MAD1L1: variants seen among roughly 807,000 people sequenced by gnomAD.
MAD1L1 encodes mitotic arrest deficient 1 like 1, also known as mitotic spindle assembly checkpoint protein MAD1.
Under a neutral mutation model 96.9 loss-of-function variants are expected in MAD1L1, and 95 were observed. The observed-to-expected ratio is 0.98, with a 90% CI of 0.83 to 1.16. The LOEUF is 1.16. MAD1L1 is among the 50% of genes most tolerant of loss of function. MAD1L1 has a pLI of 0.00. For synonymous variants in MAD1L1, 473 were observed against 396.6 expected (o/e 1.19, Z -2.29); for missense variants, 1,007 against 954.4 (o/e 1.06, Z -0.73).
intron 17 of MAD1L1, among the ~76,000 whole-genome samples, chr7:1,929,063 G>A (rs1214773139): frequency 6.6e-6 from 1 of 152,170 alleles, no homozygotes; most frequent in African/African-American, 2.4e-5. Flanking sequence ...CACCAAACCA[G>A]GCCTCCCCTC....
intron 18 of MAD1L1, among the ~76,000 whole-genome samples, chr7:1,855,376 G>C (rs1004772431): frequency 3.3e-5 from 5 of 151,942 alleles, no homozygotes; most frequent in Non-Finnish European, 4.4e-5. Context: ...AGGTGCTTAA[G>C]TTCCGCTTCC....
chr7:1,945,336 G>A (rs1447399037), intron 16 of MAD1L1, among the ~76,000 whole-genome samples: 1 of 152,278 alleles, frequency 6.6e-6, no homozygotes, highest in African/African-American at 2.4e-5. Flanking sequence ...CCATGTGGAA[G>A]ATGTGTTTGC....
intron 10 of MAD1L1, among the ~76,000 whole-genome samples, chr7:2,196,261 G>A (rs767762846): frequency 3.9e-5 from 6 of 152,188 alleles, no homozygotes; most frequent in South Asian, 2.1e-4. Flanking sequence ...AACCACCACC[G>A]TCAACAGTGC....
chr7:1,904,503 A>G (rs1289984310), intron 17 of MAD1L1, among the ~76,000 whole-genome samples: 1 of 135,086 alleles, frequency 7.4e-6, no homozygotes, highest in Non-Finnish European at 1.5e-5. Context: ...TGGCCTATGG[A>G]AGATGCTCTT....
chr7:2,220,952 G>A (rs751639893), intron 5 of MAD1L1: 2 of 1,612,366 alleles, frequency 1.2e-6, no homozygotes, highest in South Asian at 1.1e-5. Context: ...GTGTTGTAGG[G>A]GACGCCGGAC....
chr7:1,825,890 TCCCAGCCCCAGGG>T, intron 18 of MAD1L1, among the ~76,000 whole-genome samples: 1 of 151,234 alleles, frequency 6.6e-6, no homozygotes, highest in African/African-American at 2.4e-5. Flanking sequence ...ATGAGCACAG[TCCCAGCCCCAGGG>T]TTGGCGGTCG....
rs552693430 is a variant in MAD1L1, at chr7:2,184,730, G to A, written c.986+28482C>T. 3.3e-5 allele frequency among the ~76,000 whole-genome samples: 5 copies of A among 152,246 alleles called. No homozygotes were observed. The South Asian group carries it at 8.3e-4, about 25-fold the overall frequency. On this transcript the variant is annotated intron_variant, in intron 10 of 18. Transcript: ENST00000265854. ...AAAAATGAACCACTGGGCCGGGTGC[G>A]GTGGTTCACACCTGTAATCCCAGCA...
chr7:2,134,740 T>C (rs1050768832), intron 11 of MAD1L1, among the ~76,000 whole-genome samples: 1 of 152,124 alleles, frequency 6.6e-6, no homozygotes, highest in East Asian at 1.9e-4. Flanking sequence ...TAAGGACTAG[T>C]CTTGGATTTG....
intron 11 of MAD1L1, among the ~76,000 whole-genome samples, chr7:2,079,093 G>A (rs965130272): frequency 1.1e-4 from 17 of 152,248 alleles, no homozygotes; most frequent in East Asian, 5.8e-4. Context: ...GAAGACTCGG[G>A]TTCAAGTCCA....
chr7:1,891,556 A>C (rs1786540738), intron 18 of MAD1L1, among the ~76,000 whole-genome samples: 1 of 152,052 alleles, frequency 6.6e-6, no homozygotes, highest in Non-Finnish European at 1.5e-5. Flanking sequence ...AAGTTTATAA[A>C]CTCAAAAAGT....
intron 14 of MAD1L1, 49 bp from the exon 15 acceptor site, chr7:1,980,590 G>A (rs759894450): frequency 3.0e-5 from 44 of 1,486,234 alleles, no homozygotes; most frequent in Non-Finnish European, 3.7e-5. Context: ...GCGCACCCAG[G>A]TGTGTGGGGA....
At chr7:2,076,393 G>A (rs1785375582) in intron 11 of MAD1L1, among the ~76,000 whole-genome samples, 1 of 152,200 alleles carries the variant, frequency 6.6e-6, no homozygotes, top group African/African-American at 2.4e-5. Flanking sequence ...TGAGGACAGG[G>A]GCTGGTCATC....
chr7:2,129,622 C>T (rs1439770575), intron 11 of MAD1L1, among the ~76,000 whole-genome samples: 1 of 152,238 alleles, frequency 6.6e-6, no homozygotes, highest in Non-Finnish European at 1.5e-5. Context: ...TGGAGGCTGC[C>T]TGTCTAACAA....
In MAD1L1 at chr7:1,851,158, C is replaced by T. The variant is rs116772446; in HGVS notation, c.1999-34930G>A. Among the ~76,000 whole-genome samples, 834 of 152,320 alleles carry T rather than the reference C, an allele frequency of 5.5e-3. 8 individuals carry two copies. Among genetic ancestry groups the T allele is most frequent in the African/African-American group, 0.019 (795 of 41,570 alleles). ...TCCCAGCCCAACTGCTGACTGATGG[C>T]GGCAACCCTGTGGGGTGACCCATGC... On this transcript the variant is annotated intron_variant, in intron 18 of 18. Transcript: ENST00000265854.
intron 12 of MAD1L1, among the ~76,000 whole-genome samples, chr7:2,068,859 A>G (rs1024607131): frequency 1.1e-4 from 17 of 152,194 alleles, no homozygotes; most frequent in African/African-American, 3.9e-4. Flanking sequence ...ATGGGAAAGC[A>G]TGAGGGTGCT....
chr7:1,868,770 A>G (rs1184636559), intron 18 of MAD1L1, among the ~76,000 whole-genome samples: 1 of 152,164 alleles, frequency 6.6e-6, no homozygotes, highest in African/African-American at 2.4e-5. Flanking sequence ...CGCAGTGACG[A>G]CCACCAGGGG....
intron 12 of MAD1L1, among the ~76,000 whole-genome samples, chr7:2,034,089 C>G (rs1199487877): frequency 1.3e-5 from 2 of 152,198 alleles, no homozygotes; most frequent in Non-Finnish European, 2.9e-5. Context: ...GAGCAAGACC[C>G]TGTGTCTAAA....
chr7:1,925,261 C>A (rs1001177807), intron 17 of MAD1L1, among the ~76,000 whole-genome samples: 6 of 152,166 alleles, frequency 3.9e-5, no homozygotes, highest in African/African-American at 1.4e-4. Context: ...AGTGCGTTCC[C>A]TCAACATAAT....
intron 11 of MAD1L1, among the ~76,000 whole-genome samples, chr7:2,072,871 G>A (rs1860826): frequency 0.28 from 41,990 of 152,190 alleles, 7,012 homozygotes; most frequent in East Asian, 0.48. Flanking sequence ...GTGAGGGTGC[G>A]CTCACATCTG....
Sources: allele counts gnomAD v4.1 joint callset (sites outside exome capture counted in the v4.1 genomes callset), GRCh38; gene constraint gnomAD v4.1.1; transcripts MANE v1.5; gene names NCBI Gene and HGNC (gene_info 2026-07-23, HGNC 2026-07-21).